Variants in ZNF672 observed in about 807,000 individuals in gnomAD.
ZNF672 encodes zinc finger protein 672, also known as hypothetical protein FLJ22301.
For synonymous variants in ZNF672, 358 were observed against 305.6 expected, an observed-to-expected ratio of 1.17 and a Z score of -1.79; for missense variants, 733 against 701.1, an observed-to-expected ratio of 1.05 and a Z score of -0.51.
At position 248,847,624 on chromosome 1, in the gene ZNF672, A is replaced by C. The variant is rs1330864123; in HGVS notation, c.350A>C (p.His117Pro). 1 of 1,522,092 alleles carries C rather than the reference A, an allele frequency of 6.6e-7. No individual in the cohort carries two copies. Among genetic ancestry groups the C allele is most frequent in the Admixed American group, 2.0e-5 (1 of 50,340 alleles). The allele number at this position is 1,522,092 out of a possible 1,614,324, so 94.3% of individuals were successfully genotyped here. A position where few individuals can be genotyped will look rare whatever the true frequency, so the allele number is the denominator to read the frequency against. ...RFPHLPALLLHRRRQHLPERP... is the reference protein window; with the variant it reads ...RFPHLPALLLPRRRQHLPERP... ...CCGCACCTCCCGGCGCTGCTGCTAC[A>C]CCGGCGCCGCCAGCATCTGCCAGAG... is the stretch of plus-strand genomic sequence containing the variant. Residue 117 changes from histidine to proline, a missense_variant, in exon 4 of 4, where the codon CAC (histidine) becomes CCC (proline). Transcript: ENST00000306562.
rs764818158 is a variant in ZNF672 at position 248,848,426 on chromosome 1, GCACCGCAA to G, written c.1153_1160del (p.His385AspfsTer52). The G allele has an allele frequency of 1.2e-5, 20 of 1,606,736 alleles. No homozygotes were observed. The South Asian group carries it at 2.1e-4, about 17-fold the overall frequency. ...TCAGCGTCGCCTCCAAGCTTGCACT[GCACCGCAA>G]GACGCACCTGGGCGAACGGCCAGCG... On this transcript the variant is annotated frameshift_variant, in exon 4 of 4. Coordinates refer to ENST00000306562, the MANE Select transcript of ZNF672 (RefSeq NM_024836.3). LOFTEE classifies it low-confidence loss of function (END_TRUNC).
At chr1:248,845,289 T>G (rs1473629051) in intron 2 of ZNF672, among the ~76,000 whole-genome samples, 3 of 152,030 alleles carry the variant, frequency 2.0e-5, no homozygotes, top group Non-Finnish European at 4.4e-5. Context: ...CTGCTTGCAT[T>G]TTTTGTTTAA....
Position 248,848,413 on chromosome 1 carries a change from C to G in ZNF672, c.1139C>G (p.Ser380Cys), listed in dbSNP as rs751218000. ...TGCAGCAAGGCCTTCAGCGTCGCCT[C>G]CAAGCTTGCACTGCACCGCAAGACG... ...PECSKAFSVA[S>C]KLALHRKTHL... The change falls in exon 4 of 4, where the codon TCC becomes TGC. Residue 380 changes from serine to cysteine, a missense_variant. Ser to Cys is a moderately radical substitution (Grantham distance 112). Coordinates refer to ENST00000306562, the MANE Select transcript of ZNF672 (RefSeq NM_024836.3). 6.2e-7 allele frequency: 1 copy of G among 1,606,092 alleles called. No homozygotes were observed. Among genetic ancestry groups the G allele is most frequent in the African/African-American group, 1.3e-5 (1 of 75,054 alleles).
At position 248,847,361 on chromosome 1, in the gene ZNF672, G is replaced by A. The variant is rs752789355; in HGVS notation, c.87G>A (p.Leu29=). 8 of 1,612,326 alleles carry A rather than the reference G, an allele frequency of 5.0e-6. No homozygotes were observed. In the South Asian group the frequency reaches 8.8e-5, roughly 18 times the overall value. The change falls in exon 4 of 4, where the codon CTG becomes CTA. Residue 29 remains leucine (L), a synonymous_variant. Coordinates refer to ENST00000306562, the MANE Select transcript of ZNF672 (RefSeq NM_024836.3). ...AGAGCTTCTGCTACAGCTCAGTGCT[G>A]CTGCGACATGAACGAGCTCACGGCG... ...CGKSFCYSSV[L]LRHERAHGGD... is the part of the protein sequence containing the mutation.
Position 248,847,892 on chromosome 1 carries a change from G to C in ZNF672, c.618G>C (p.Lys206Asn), listed in dbSNP as rs1659206505. ...SDAHQCGVCG[K>N]CFGKSSTLTR... Reference sequence around the variant, plus strand: ...CCCACCAGTGTGGCGTGTGCGGCAAGTGCTTTGGCAAGAGCTCTACGCTGA... The same window carrying C: ...CCCACCAGTGTGGCGTGTGCGGCAACTGCTTTGGCAAGAGCTCTACGCTGA... The change falls in exon 4 of 4, where the codon AAG (lysine) becomes AAC (asparagine). Residue 206 changes from lysine to asparagine, a missense_variant. Physicochemically the swap from Lys to Asn is moderately conservative, Grantham distance 94. Transcript: ENST00000306562. 2 of 1,589,222 alleles carry C rather than the reference G, an allele frequency of 1.3e-6. No individual in the cohort carries two copies. Among genetic ancestry groups the C allele is most frequent in the African/African-American group, 1.3e-5 (1 of 74,436 alleles).
intron 1 of ZNF672, among the ~76,000 whole-genome samples, chr1:248,840,441 T>A (rs554839817): frequency 4.6e-5 from 7 of 152,322 alleles, no homozygotes; most frequent in South Asian, 4.1e-4. Context: ...ACATTCCAAG[T>A]CTACTGTCTA....
In ZNF672 at chr1:248,849,456, T is replaced by G. The variant is rs151010695; in HGVS notation, c.*823T>G. ...AGCAGGGAGAGGGCAGGATGGAAAA[T>G]CCCCTGGAGCCGGTCAACTTTTTGC... On this transcript the variant is annotated 3_prime_UTR_variant, in exon 4 of 4. Transcript: ENST00000306562. 1 of 270,512 alleles carries G rather than the reference T, an allele frequency of 3.7e-6. No homozygotes were observed. The highest frequency in any genetic ancestry group is 7.7e-6 in the Non-Finnish European group (1 of 130,024). The allele number at this position is 270,512 out of a possible 1,614,324, so 16.8% of individuals were successfully genotyped here. A position where few individuals can be genotyped will look rare whatever the true frequency, so the allele number is the denominator to read the frequency against.
At chr1:248,839,602 ATCACTGCATTCC>A (rs1376061798) in intron 1 of ZNF672, among the ~76,000 whole-genome samples, 1 of 152,214 alleles carries the variant, frequency 6.6e-6, no homozygotes, top group Non-Finnish European at 1.5e-5. Context: ...CAGTGATCAA[ATCACTGCATTCC>A]AAGCTGGGTG....
rs748102003 is a variant in ZNF672 at position 248,848,122 on chromosome 1, A to G, written c.848A>G (p.His283Arg). The G allele has an allele frequency of 1.3e-5, 21 of 1,560,940 alleles. No homozygotes were observed. Among genetic ancestry groups the G allele is most frequent in the East Asian group, 4.8e-5 (2 of 41,844 alleles). ...HRRSHQGERPHACATCGKGFG... is the reference protein window; with the variant it reads ...HRRSHQGERPRACATCGKGFG... ...CGCAGCCATCAGGGCGAGCGGCCAC[A>G]TGCGTGCGCCACTTGCGGCAAGGGT... Residue 283 changes from histidine to arginine, a missense_variant, in exon 4 of 4, where the codon CAT becomes CGT. Transcript: ENST00000306562.
In ZNF672 at chr1:248,847,269, C is replaced by T. The variant is rs745632616; in HGVS notation, c.-6C>T. 5 of 1,597,000 alleles carry T rather than the reference C, an allele frequency of 3.1e-6. No individual in the cohort carries two copies. The Admixed American group carries it at 6.7e-5, about 21-fold the overall frequency. ...TGGCACGCTTCCCTGTGAACCCGTCCTCACCATGTTTGCCACATCTGGGGC... is the reference window on the plus strand; with the variant it reads ...TGGCACGCTTCCCTGTGAACCCGTCTTCACCATGTTTGCCACATCTGGGGC... On this transcript the variant is annotated 5_prime_UTR_variant, in exon 4 of 4. Transcript: ENST00000306562.
In ZNF672 at chr1:248,848,351, C is replaced by T; in HGVS notation, c.1077C>T (p.Arg359=). ...TCVSNLNVHR[R]NHAGHKPHKC... is the part of the protein sequence containing the mutation. ...TGTCCAATCTCAACGTGCATCGGCG[C>T]AACCATGCCGGCCACAAGCCACACA... Residue 359 remains arginine, a synonymous_variant, in exon 4 of 4, where the codon CGC becomes CGT. Transcript: ENST00000306562. 6.2e-7 allele frequency: 1 copy of T among 1,601,418 alleles called. No homozygotes were observed. Among genetic ancestry groups the T allele is most frequent in the Non-Finnish European group, 8.5e-7 (1 of 1,179,762 alleles).
intron 1 of ZNF672, among the ~76,000 whole-genome samples, chr1:248,840,195 T>G (rs1343588404): frequency 1.3e-5 from 2 of 152,160 alleles, no homozygotes; most frequent in African/African-American, 4.8e-5. Flanking sequence ...GTTCAAGCGA[T>G]TCTCCTGCTT....
rs375718499 is a variant in ZNF672, at chr1:248,847,670, G to C, written c.396G>C (p.Leu132=). The stretch of plus-strand genomic sequence containing the variant: ...CAGAGCGGCCCCGCCGCTGCCCGCT[G>C]TGCGCCCGCACCTTCCGGCAGAGCG... ...HLPERPRRCP[L]CARTFRQSAL... is the part of the protein sequence containing the mutation. Residue 132 remains leucine, a synonymous_variant, in exon 4 of 4, where the codon CTG becomes CTC. Transcript: ENST00000306562. The C allele has an allele frequency of 1.4e-4, 213 of 1,489,392 alleles. 2 individuals carry two copies. The East Asian group carries it at 3.5e-3, about 25-fold the overall frequency. 92.3% of individuals were successfully genotyped at this position (1,489,392 alleles called of 1,614,324 possible).
intron 1 of ZNF672, among the ~76,000 whole-genome samples, chr1:248,841,151 C>G (rs988699852): frequency 2.0e-5 from 3 of 152,168 alleles, no homozygotes; most frequent in Non-Finnish European, 2.9e-5. Context: ...TATTTGTATG[C>G]AGTGGGTAGT....
chr1:248,847,174 G>C lies in ZNF672; in HGVS notation c.-101G>C. 1 of 1,453,272 alleles carries C rather than the reference G, an allele frequency of 6.9e-7. No individual in the cohort carries two copies. The highest frequency in any genetic ancestry group is 9.2e-7 in the Non-Finnish European group (1 of 1,086,840). 90.0% of individuals were successfully genotyped at this position (1,453,272 alleles called of 1,614,324 possible). ...GCCTCCCCCTTTCCTCTCTGTTACA[G>C]TGCCCTTTCCAGGCCTTAAGAGAAG... On this transcript the variant is annotated 5_prime_UTR_variant, in exon 4 of 4. Transcript: ENST00000306562.
Position 248,848,671 on chromosome 1 carries a change from G to A in ZNF672, c.*38G>A. ...TGCTGAGGCTTCTCTAAAGGTGGTT[G>A]GGCAAGCACCTATATAGTATCACGG... On this transcript the variant is annotated 3_prime_UTR_variant, in exon 4 of 4. Transcript: ENST00000306562. The A allele has an allele frequency of 2.0e-6, 3 of 1,530,460 alleles. No individual in the cohort carries two copies. The highest frequency in any genetic ancestry group is 2.6e-6 in the Non-Finnish European group (3 of 1,140,446). 94.8% of individuals were successfully genotyped at this position (1,530,460 alleles called of 1,614,324 possible). A position where few individuals can be genotyped will look rare whatever the true frequency, so the allele number is the denominator to read the frequency against.
In ZNF672 at chr1:248,848,868, G is replaced by A. The variant is rs925969663; in HGVS notation, c.*235G>A. 1.4e-6 allele frequency: 1 copy of A among 736,820 alleles called. No homozygotes were observed. The highest frequency in any genetic ancestry group is 2.0e-5 in the Admixed American group (1 of 49,768). 45.6% of individuals were successfully genotyped at this position (736,820 alleles called of 1,614,324 possible). A position where few individuals can be genotyped will look rare whatever the true frequency, so the allele number is the denominator to read the frequency against. ...CGTATAACTCGGATTCTCTCCTCAG[G>A]TGTAGGTGCAGGGAGTCAGGGAACC... is the stretch of plus-strand genomic sequence containing the variant. On this transcript the variant is annotated 3_prime_UTR_variant, in exon 4 of 4. Coordinates refer to ENST00000306562, the MANE Select transcript of ZNF672 (RefSeq NM_024836.3).
At position 248,847,104 on chromosome 1, in the gene ZNF672, G is replaced by A. The variant is rs576283474; in HGVS notation, c.-171G>A. ...CAGCTCACCCTGGAACAGCCACAAT[G>A]TCTGCCCCTTAGAGAAGAACCCTGA... On this transcript the variant is annotated 5_prime_UTR_variant, in exon 4 of 4. The change abolishes an upstream ATG in the 5' untranslated region. Coordinates refer to ENST00000306562, the MANE Select transcript of ZNF672 (RefSeq NM_024836.3). The A allele has an allele frequency of 4.4e-5, 38 of 863,370 alleles. No homozygotes were observed. In the South Asian group the frequency reaches 5.2e-4, roughly 12 times the overall value. The allele number at this position is 863,370 out of a possible 1,614,324, so 53.5% of individuals were successfully genotyped here.
chr1:248,840,378 C>A (rs1428478161), intron 1 of ZNF672, among the ~76,000 whole-genome samples: 1 of 152,250 alleles, frequency 6.6e-6, no homozygotes, highest in Non-Finnish European at 1.5e-5. Context: ...AGGCGTGAGC[C>A]ACCGTGCCTG....
Sources: allele counts gnomAD v4.1 joint callset (sites outside exome capture counted in the v4.1 genomes callset), GRCh38; gene constraint gnomAD v4.1.1; transcripts MANE v1.5; gene names NCBI Gene and HGNC (gene_info 2026-07-23, HGNC 2026-07-21).